Variants in NTRK3 observed in about 807,000 individuals in gnomAD.
NTRK3 encodes the protein NT-3 growth factor receptor.
In NTRK3, 24 loss-of-function variants were observed where a neutral mutation model predicts 91.7. The ratio of observed to expected loss-of-function variants is 0.26; its 90% confidence interval spans 0.19 to 0.37. The LOEUF (loss-of-function observed/expected upper bound fraction) is 0.37. Ranked by LOEUF, NTRK3 falls within the 10% of genes least tolerant of loss-of-function variation. The pLI, the probability that NTRK3 is intolerant of heterozygous loss-of-function variation, is 1.00. For synonymous variants in NTRK3, 483 were observed against 404.0 expected (o/e 1.20, Z -2.34); for missense variants, 880 against 1,068.9 (o/e 0.82, Z 2.46).
chr15:88,121,039 G>A (rs1212169979), intron 13 of NTRK3, among the ~76,000 whole-genome samples: 1 of 152,192 alleles, frequency 6.6e-6, no homozygotes, highest in Non-Finnish European at 1.5e-5. Context: ...TGATCTAGAA[G>A]TATTTAAAGA....
At chr15:88,184,709 G>A (rs1040793184) in intron 3 of NTRK3, among the ~76,000 whole-genome samples, 1 of 151,838 alleles carries the variant, frequency 6.6e-6, no homozygotes, top group African/African-American at 2.4e-5. Flanking sequence ...TGCCCATAAA[G>A]ACAATACAAA....
chr15:87,872,590 G>T (rs925541232), exon 19 of NTRK3: 2 of 231,184 alleles, frequency 8.7e-6, no homozygotes, highest in African/African-American at 4.4e-5. Context: ...TAGCTGAGGG[G>T]AACAGCCTGG....
intron 3 of NTRK3, among the ~76,000 whole-genome samples, chr15:88,247,961 C>T (rs974666444): frequency 2.6e-5 from 4 of 152,198 alleles, no homozygotes; most frequent in East Asian, 3.9e-4. Flanking sequence ...GCGCTTTAGA[C>T]ACCCCCCTTT....
chr15:87,965,221 G>T (rs1455830287), intron 14 of NTRK3, among the ~76,000 whole-genome samples: 1 of 152,188 alleles, frequency 6.6e-6, no homozygotes, highest in African/African-American at 2.4e-5. Flanking sequence ...TTATGTGTTT[G>T]TGTGCTTTTC....
intron 14 of NTRK3, among the ~76,000 whole-genome samples, chr15:88,013,723 C>T (rs1352067364): frequency 6.6e-6 from 1 of 152,162 alleles, no homozygotes; most frequent in African/African-American, 2.4e-5. Flanking sequence ...CTGACTTGGC[C>T]AGGCACTGTG....
intron 3 of NTRK3, among the ~76,000 whole-genome samples, chr15:88,201,450 C>A (rs372898725): frequency 1.3e-5 from 2 of 152,168 alleles, no homozygotes; most frequent in African/African-American, 2.4e-5. Context: ...TAGGCCAGCA[C>A]AGGACTTGCA....
intron 14 of NTRK3, among the ~76,000 whole-genome samples, chr15:87,975,768 GT>G (rs1042903555): frequency 6.6e-6 from 1 of 152,128 alleles, no homozygotes; most frequent in African/African-American, 2.4e-5. Flanking sequence ...GTCGTCCATA[GT>G]CTCTTCCCCG....
At chr15:87,980,209 A>G (rs1488904551) in intron 14 of NTRK3, among the ~76,000 whole-genome samples, 1 of 152,236 alleles carries the variant, frequency 6.6e-6, no homozygotes, top group African/African-American at 2.4e-5. Context: ...CTTTCTGGCC[A>G]TACAGCCATG....
chr15:88,128,323 G>A (rs1281684701), intron 11 of NTRK3, among the ~76,000 whole-genome samples: 3 of 152,148 alleles, frequency 2.0e-5, no homozygotes, highest in African/African-American at 7.2e-5. Context: ...TCCTGAAGCA[G>A]GTGAGAAACA....
intron 17 of NTRK3, among the ~76,000 whole-genome samples, chr15:87,900,668 T>A (rs1340651187): frequency 3.3e-5 from 5 of 150,678 alleles, no homozygotes; most frequent in Admixed American, 6.6e-5. Flanking sequence ...ACCTGCAGCA[T>A]CAGCAGCCTG....
chr15:88,134,219 C>A (rs1056454035), intron 10 of NTRK3, among the ~76,000 whole-genome samples: 3 of 152,186 alleles, frequency 2.0e-5, no homozygotes, highest in African/African-American at 4.8e-5. Context: ...TCAGCAAAGA[C>A]ACATGGCTTT....
exon 19 of NTRK3, chr15:87,875,041 T>G (rs1198204450): frequency 4.3e-6 from 1 of 230,518 alleles, no homozygotes; most frequent in East Asian, 6.2e-5. Context: ...TAAAAATATT[T>G]GTGGGTCTAC....
At chr15:87,950,817 T>C (rs1469124874) in intron 14 of NTRK3, among the ~76,000 whole-genome samples, 2 of 152,206 alleles carry the variant, frequency 1.3e-5, no homozygotes, top group African/African-American at 4.8e-5. Context: ...CCTGCAAGGA[T>C]TCTCCCTTAT....
chr15:88,256,131 G>C (rs760529304), exon 3 of NTRK3: 1 of 1,608,350 alleles, frequency 6.2e-7, no homozygotes, highest in South Asian at 1.1e-5. Context: ...ACTACACTTG[G>C]CTGGGCAAAG....
chr15:87,905,331 C>G (rs2066700650), intron 17 of NTRK3, among the ~76,000 whole-genome samples: 1 of 152,158 alleles, frequency 6.6e-6, no homozygotes, highest in Non-Finnish European at 1.5e-5. Context: ...GGGTTATTGG[C>G]ATCCCAAAGT....
chr15:88,155,006 G>A (rs1311013399), intron 5 of NTRK3, among the ~76,000 whole-genome samples: 1 of 152,132 alleles, frequency 6.6e-6, no homozygotes, highest in Non-Finnish European at 1.5e-5. Flanking sequence ...TCGGCAGTCT[G>A]TTTTTATAGT....
intron 13 of NTRK3, among the ~76,000 whole-genome samples, chr15:88,066,469 C>A (rs914697656): frequency 6.6e-6 from 1 of 152,200 alleles, no homozygotes; most frequent in Non-Finnish European, 1.5e-5. Flanking sequence ...TGAATCACAC[C>A]CACAGCTCTC....
At chr15:88,109,629 G>C (rs1049301035) in intron 13 of NTRK3, among the ~76,000 whole-genome samples, 1 of 152,138 alleles carries the variant, frequency 6.6e-6, no homozygotes, top group Non-Finnish European at 1.5e-5. Flanking sequence ...GCAGAAAGAG[G>C]TGGGGGGCTG....
At chr15:88,013,697 A>T (rs891091341) in intron 14 of NTRK3, among the ~76,000 whole-genome samples, 1 of 152,206 alleles carries the variant, frequency 6.6e-6, no homozygotes. Flanking sequence ...ATGTACAAAA[A>T]ATCCTGTAGC....
Sources: allele counts gnomAD v4.1 joint callset (sites outside exome capture counted in the v4.1 genomes callset), GRCh38; gene constraint gnomAD v4.1.1; transcripts MANE v1.5; gene names NCBI Gene and HGNC (gene_info 2026-07-23, HGNC 2026-07-21).